The following PLEKHB2 variants were observed in gnomAD, a reference collection of about 807,000 sequenced individuals.
PLEKHB2 encodes the protein pleckstrin homology domain containing B2, also known as pleckstrin homology domain-containing family B member 2.
PLEKHB2 carries 31 observed loss-of-function variants against 36.5 expected under a neutral mutation model. That is an observed-to-expected ratio of 0.85 (90% CI 0.64 to 1.15). The LOEUF (loss-of-function observed/expected upper bound fraction) is 1.15, where lower values mean the gene tolerates loss of function less well. Among genes scored for constraint, PLEKHB2 ranks in the 50% most tolerant of loss-of-function variants. The probability of loss-of-function intolerance (pLI) is 0.00; values close to 1 mark genes in which losing one functional copy is unlikely to be tolerated. For synonymous variants in PLEKHB2, 119 were observed against 112.0 expected (o/e 1.06, Z -0.39); for missense variants, 262 against 295.3 (o/e 0.89, Z 0.83).
At chr2:131,106,720 CTG>C (rs751857878) in intron 1 of PLEKHB2, among the ~76,000 whole-genome samples, 5 of 152,144 alleles carry the variant, frequency 3.3e-5, no homozygotes, top group Non-Finnish European at 5.9e-5. Flanking sequence ...TGTTTACTCT[CTG>C]TGGTGGTGAT....
chr2:131,111,835 T>C (rs924210978), intron 1 of PLEKHB2, among the ~76,000 whole-genome samples: 1 of 152,144 alleles, frequency 6.6e-6, no homozygotes, highest in Non-Finnish European at 1.5e-5. Context: ...CAGCATTGTC[T>C]CTGATTCTTG....
Position 131,126,732 on chromosome 2 carries a change from T to A in PLEKHB2, c.239T>A (p.Val80Asp). ...TCAAAAGACTGCATGCTCCAGATTG[T>A]TTGTCGAGATGGGAAAACAATTAGT... ...GKSKDCMLQI[V>D]CRDGKTISLC... The change falls in exon 4 of 8, where the codon GTT becomes GAT. Residue 80 changes from valine (V) to aspartate (D), a missense_variant. Coordinates refer to ENST00000693505, the MANE Select transcript of PLEKHB2 (RefSeq NM_001100623.2). The A allele has an allele frequency of 6.2e-7, 1 of 1,612,366 alleles. No homozygotes were observed.
chr2:131,124,771 G>GA lies in PLEKHB2; in HGVS notation c.38-974dup, dbSNP rs904127358. 3.3e-5 allele frequency among the ~76,000 whole-genome samples: 5 copies of GA among 150,636 alleles called. No individual in the cohort carries two copies. In the South Asian group the frequency reaches 8.4e-4, roughly 25 times the overall value. ...ATCTGTGAAAACTCTTAAGGACAAA[G>GA]AAAAAAAACGTGTTTTTTCTTTTTT... On this transcript the variant is annotated intron_variant, in intron 2 of 7. Transcript: ENST00000693505.
At chr2:131,129,053 G>C (rs1697381548) in intron 4 of PLEKHB2, among the ~76,000 whole-genome samples, 1 of 152,234 alleles carries the variant, frequency 6.6e-6, no homozygotes, top group Non-Finnish European at 1.5e-5. Flanking sequence ...GGCTGGGTGT[G>C]GTGGCTCAAG....
chr2:131,106,982 T>C (rs2104751599), intron 1 of PLEKHB2, among the ~76,000 whole-genome samples: 1 of 152,342 alleles, frequency 6.6e-6, no homozygotes, highest in South Asian at 2.1e-4. Context: ...GTTGATTAAA[T>C]GTGTACAGCA....
Position 131,149,496 on chromosome 2 carries a change from G to A in PLEKHB2, c.*2723G>A, listed in dbSNP as rs148166435. 1 of 152,332 alleles carries A rather than the reference G, an allele frequency of 6.6e-6. No homozygotes were observed. The highest frequency in any genetic ancestry group is 6.5e-5 in the Admixed American group (1 of 15,300). 9.4% of individuals were successfully genotyped at this position (152,332 alleles called of 1,614,324 possible). ...AAAGAGAAGGAGAACTGTGGTTAAT[G>A]TTTTGGATCATCATTTGTGAACAAG... On this transcript the variant is annotated 3_prime_UTR_variant, in exon 8 of 8. Transcript: ENST00000693505.
At chr2:131,113,979 T>C (rs906465931) in intron 1 of PLEKHB2, among the ~76,000 whole-genome samples, 1 of 152,200 alleles carries the variant, frequency 6.6e-6, no homozygotes, top group African/African-American at 2.4e-5. Flanking sequence ...GCTTGCTGTG[T>C]TTTGGCTTCT....
intron 1 of PLEKHB2, chr2:131,120,584 A>G (rs751176793): frequency 5.8e-6 from 2 of 347,702 alleles, no homozygotes; most frequent in East Asian, 6.4e-5. Flanking sequence ...GGAACGCCAA[A>G]TGTAGGCACC....
intron 1 of PLEKHB2, among the ~76,000 whole-genome samples, chr2:131,113,816 T>C (rs1462354478): frequency 6.6e-6 from 1 of 152,188 alleles, no homozygotes; most frequent in Non-Finnish European, 1.5e-5. Context: ...TCCAGAGGCA[T>C]CATCTTCAGG....
rs1699536666 is a variant in PLEKHB2, at chr2:131,149,596, G to A, written c.*2823G>A. 1 of 152,162 alleles carries A rather than the reference G, an allele frequency of 6.6e-6. No individual in the cohort carries two copies. The allele number at this position is 152,162 out of a possible 1,614,324, so 9.4% of individuals were successfully genotyped here. A position where few individuals can be genotyped will look rare whatever the true frequency, so the allele number is the denominator to read the frequency against. On this transcript the variant is annotated 3_prime_UTR_variant, in exon 8 of 8. Coordinates refer to ENST00000693505, the MANE Select transcript of PLEKHB2 (RefSeq NM_001100623.2). ...GATCATAAGAAGGTCCTGCAGTTGA[G>A]ACAAAATGACCCAAGTGTATTTTCC...
At chr2:131,111,648 G>A (rs985970641) in intron 1 of PLEKHB2, among the ~76,000 whole-genome samples, 1 of 151,266 alleles carries the variant, frequency 6.6e-6, no homozygotes, top group South Asian at 2.1e-4. Context: ...CTGCCACCAC[G>A]CCCAACTAAT....
intron 5 of PLEKHB2, among the ~76,000 whole-genome samples, 193 bp downstream of exon 5, chr2:131,130,953 T>A (rs950023821): frequency 2.0e-5 from 3 of 152,082 alleles, no homozygotes; most frequent in African/African-American, 7.2e-5. Flanking sequence ...GCCCAGCTTA[T>A]TTGAAAAAAT....
intron 1 of PLEKHB2, among the ~76,000 whole-genome samples, chr2:131,116,636 A>C (rs1202563403): frequency 6.6e-6 from 1 of 152,180 alleles, no homozygotes. Flanking sequence ...GATAGTTGCC[A>C]CCGTGATCCA....
intron 1 of PLEKHB2, among the ~76,000 whole-genome samples, chr2:131,114,404 G>C (rs1237320020): frequency 6.6e-6 from 1 of 152,230 alleles, no homozygotes; most frequent in Non-Finnish European, 1.5e-5. Context: ...GATTACAGGC[G>C]TGAGCCATGG....
intron 6 of PLEKHB2, 29 bp downstream of exon 6, chr2:131,133,020 G>A (rs751104756): frequency 6.9e-7 from 1 of 1,455,146 alleles, no homozygotes; most frequent in Non-Finnish European, 9.7e-7. Context: ...CTCCAGGTGA[G>A]GGAAGTTTGG....
chr2:131,122,586 T>G (rs1696627214), intron 2 of PLEKHB2, among the ~76,000 whole-genome samples: 1 of 152,132 alleles, frequency 6.6e-6, no homozygotes, highest in Non-Finnish European at 1.5e-5. Context: ...GTTGAAGAAA[T>G]TGAGATTCAG....
intron 1 of PLEKHB2, among the ~76,000 whole-genome samples, chr2:131,115,589 G>A (rs1419426779): frequency 3.3e-5 from 5 of 151,886 alleles, no homozygotes; most frequent in East Asian, 1.9e-4. Flanking sequence ...TCTTGATCTC[G>A]TGATCCACCT....
rs542067914 is a variant in PLEKHB2, at chr2:131,121,087, G to A, written c.37+109G>A. The A allele has an allele frequency of 8.4e-5, 86 of 1,021,318 alleles. 1 individual carries two copies. The highest frequency in any genetic ancestry group is 3.7e-4 in the Admixed American group (17 of 45,464). The allele number at this position is 1,021,318 out of a possible 1,614,324, so 63.3% of individuals were successfully genotyped here. A position where few individuals can be genotyped will look rare whatever the true frequency, so the allele number is the denominator to read the frequency against. ...AAGCAAATAACAAAGTTTTATGAGTGCTATGGCCTTGAGTTTCCCCTTGGA... is the reference window on the plus strand; with the variant it reads ...AAGCAAATAACAAAGTTTTATGAGTACTATGGCCTTGAGTTTCCCCTTGGA... On this transcript the variant is annotated intron_variant, in intron 2 of 7. Coordinates refer to ENST00000693505, the MANE Select transcript of PLEKHB2 (RefSeq NM_001100623.2).
At chr2:131,127,902 G>T (rs757012062) in intron 4 of PLEKHB2, among the ~76,000 whole-genome samples, 1 of 152,206 alleles carries the variant, frequency 6.6e-6, no homozygotes, top group Non-Finnish European at 1.5e-5. Flanking sequence ...AGGCTGGACG[G>T]TTCTCCCAGG....
Sources: gnomAD v4.1 joint callset for allele counts (sites outside exome capture counted in the v4.1 genomes callset) on GRCh38, gnomAD v4.1.1 for gene constraint, MANE v1.5 for transcripts, NCBI Gene and HGNC (gene_info 2026-07-23, HGNC 2026-07-21) for gene names.